The following MAPK14 variants were observed in gnomAD, a reference collection of about 807,000 sequenced individuals.
The protein encoded by MAPK14 is CSAID-binding protein.
In MAPK14, 16 loss-of-function variants were observed where a neutral mutation model predicts 49.6. That is an observed-to-expected ratio of 0.32 (90% CI 0.22 to 0.49). The LOEUF is 0.49. MAPK14 is among the 20% of genes least tolerant of loss of function. MAPK14 has a pLI of 0.99. For missense variants in MAPK14, 200 were observed against 441.2 expected (o/e 0.45, Z 4.90); for synonymous variants, 142 against 158.0 (o/e 0.90, Z 0.76).
At chr6:36,111,475 A>G (rs533614707), downstream of MAPK14, among the ~76,000 whole-genome samples, 6 of 152,330 alleles carry the variant, frequency 3.9e-5, no homozygotes, top group South Asian at 1.2e-3. Context: ...TTTTATTATA[A>G]AACTGCCAGA....
At chr6:36,091,844 C>CTTTTTTTT (rs1185804651) in intron 8 of MAPK14, 7 of 124,832 alleles carry the variant, frequency 5.6e-5, no homozygotes, top group Admixed American at 8.5e-5. Flanking sequence ...CTTTTCTTTT[C>CTTTTTTTT]TTTTTTTTTT....
chr6:36,035,438 T>G (rs2127395304), intron 1 of MAPK14, among the ~76,000 whole-genome samples: 3 of 152,218 alleles, frequency 2.0e-5, no homozygotes, highest in Middle Eastern at 6.8e-3. Flanking sequence ...GGCGTCCTTA[T>G]TCCCTGAGAC....
intron 8 of MAPK14, among the ~76,000 whole-genome samples, chr6:36,088,796 A>G (rs1765098830): frequency 6.6e-6 from 1 of 152,206 alleles, no homozygotes; most frequent in South Asian, 2.1e-4. Context: ...CAGCCAACAA[A>G]CATGAAAAAA....
chr6:36,062,284 A>G (rs1763852993), intron 3 of MAPK14, among the ~76,000 whole-genome samples: 2 of 152,236 alleles, frequency 1.3e-5, no homozygotes, highest in African/African-American at 4.8e-5. Flanking sequence ...CCATTTCAGT[A>G]TTTTCTAAAG....
intron 1 of MAPK14, among the ~76,000 whole-genome samples, chr6:36,039,975 G>A (rs1183923072): frequency 4.8e-5 from 7 of 146,474 alleles, no homozygotes; most frequent in South Asian, 2.1e-4. Flanking sequence ...CTGTCTGGGC[G>A]ATAGAGCAAG....
At chr6:36,055,904 G>A (rs1354607655) in intron 2 of MAPK14, among the ~76,000 whole-genome samples, 1 of 151,986 alleles carries the variant, frequency 6.6e-6, no homozygotes, top group Admixed American at 6.6e-5. Flanking sequence ...ATGATTAATG[G>A]AGTGAGGGAT....
chr6:36,043,766 T>A (rs1346653864), intron 1 of MAPK14, among the ~76,000 whole-genome samples: 7 of 151,888 alleles, frequency 4.6e-5, no homozygotes, highest in Admixed American at 1.3e-4. Flanking sequence ...GCAAATTATT[T>A]CTTCTCACTT....
At chr6:36,121,375 C>A in the MAPK14 span, among the ~76,000 whole-genome samples, 2 of 152,216 alleles carry the variant, frequency 1.3e-5, no homozygotes, top group African/African-American at 4.8e-5. Flanking sequence ...CTGCCTGCCG[C>A]TGGCTGCCTG....
At chr6:36,096,128 A>G in intron 9 of MAPK14, 62 bp downstream of exon 9, 3 of 1,161,734 alleles carry the variant, frequency 2.6e-6, no homozygotes, top group East Asian at 2.3e-5. Context: ...CCTTCTACCA[A>G]TCTGTACTTT....
chr6:36,062,715 T>C (rs542547341), intron 3 of MAPK14, among the ~76,000 whole-genome samples: 1 of 149,702 alleles, frequency 6.7e-6, no homozygotes, highest in South Asian at 2.1e-4. Flanking sequence ...TGGAGTGCAG[T>C]GGCACGATCT....
chr6:36,072,696 C>T (rs1764353059), intron 3 of MAPK14, among the ~76,000 whole-genome samples, 177 bp from the exon 4 acceptor site: 1 of 152,000 alleles, frequency 6.6e-6, no homozygotes, highest in Non-Finnish European at 1.5e-5. Flanking sequence ...ACCTGGGAGG[C>T]AGAGGTTGTA....
At chr6:36,091,489 C>T (rs1004626918) in intron 8 of MAPK14, among the ~76,000 whole-genome samples, 1 of 151,218 alleles carries the variant, frequency 6.6e-6, no homozygotes, top group African/African-American at 2.5e-5. Context: ...GGATGGCTCA[C>T]TGTGGAAATA....
In MAPK14 at chr6:36,107,869, G is replaced by A. The variant is rs2127477061; in HGVS notation, c.1015+241G>A. Among the ~76,000 whole-genome samples the A allele has an allele frequency of 1.3e-5, 2 of 152,318 alleles. No individual in the cohort carries two copies. Among genetic ancestry groups the A allele is most frequent in the South Asian group, 4.1e-4 (2 of 4,830 alleles). On this transcript the variant is annotated intron_variant, in intron 11 of 11. Transcript: ENST00000229794. The surrounding 1 kb of genome is among the most constrained non-coding windows in gnomAD (Gnocchi z 4.3). ...ATAGGAGTTTTGCATGGAGAGTTGAGGTTTTCAGAGTCATTGCATTTACAA... is the reference window on the plus strand; with the variant it reads ...ATAGGAGTTTTGCATGGAGAGTTGAAGTTTTCAGAGTCATTGCATTTACAA...
At chr6:36,052,201 C>T (rs1034979246) in intron 1 of MAPK14, among the ~76,000 whole-genome samples, 2 of 151,030 alleles carry the variant, frequency 1.3e-5, no homozygotes, top group African/African-American at 2.5e-5. Context: ...TCCTGGGCCT[C>T]GACTCTGAGC....
intron 8 of MAPK14, among the ~76,000 whole-genome samples, chr6:36,089,422 G>C (rs1765128582): frequency 6.6e-6 from 1 of 152,166 alleles, no homozygotes. Context: ...AGGATAAATA[G>C]CTAAGGCATG....
chr6:36,033,811 G>A (rs1335812426), intron 1 of MAPK14, among the ~76,000 whole-genome samples: 1 of 152,186 alleles, frequency 6.6e-6, no homozygotes, highest in East Asian at 1.9e-4. Flanking sequence ...ATTCAAAGAT[G>A]GAAGAATTCA....
In MAPK14 at chr6:36,037,289, G is replaced by A. The variant is rs1008357859; in HGVS notation, c.116+9016G>A. ...ATTTACAAAATTAACCAGCTTTCCCGTGCAGTGTTCAAGTCTTTTAATAAT... is the reference window on the plus strand; with the variant it reads ...ATTTACAAAATTAACCAGCTTTCCCATGCAGTGTTCAAGTCTTTTAATAAT... On this transcript the variant is annotated intron_variant, in intron 1 of 11. Transcript: ENST00000229794. 2.1e-4 allele frequency among the ~76,000 whole-genome samples: 32 copies of A among 152,232 alleles called. 1 individual carries two copies. Among genetic ancestry groups the A allele is most frequent in the Admixed American group, 1.5e-3 (23 of 15,286 alleles).
intron 1 of MAPK14, among the ~76,000 whole-genome samples, 185 bp from the exon 2 acceptor site, chr6:36,052,514 A>G (rs1763441713): frequency 6.6e-6 from 1 of 152,226 alleles, no homozygotes; most frequent in Non-Finnish European, 1.5e-5. Context: ...AGGAGAAAAC[A>G]CCAAAAATAA....
chr6:36,074,659 A>G (rs934175825), intron 6 of MAPK14, among the ~76,000 whole-genome samples: 3 of 151,680 alleles, frequency 2.0e-5, no homozygotes, highest in Non-Finnish European at 4.4e-5. Context: ...TCTGTTGCCC[A>G]GTCTAGAGTG....
Sources: gnomAD v4.1 joint callset for allele counts (sites outside exome capture counted in the v4.1 genomes callset) on GRCh38, gnomAD v4.1.1 for gene constraint, Gnocchi (gnomAD v3.1) non-coding constraint, MANE v1.5 for transcripts, NCBI Gene and HGNC (gene_info 2026-07-23, HGNC 2026-07-21) for gene names.